Variants in CAST observed in about 807,000 individuals in gnomAD.
CAST encodes calpastatin, also known as MIR583 host.
Under a neutral mutation model 119.6 loss-of-function variants are expected in CAST, and 76 were observed. The ratio of observed to expected loss-of-function variants is 0.64; its 90% CI spans 0.53 to 0.77. The LOEUF (loss-of-function observed/expected upper bound fraction) is 0.77. Among genes scored for constraint, CAST ranks in the 30% least tolerant of loss-of-function variants. The pLI is 0.00. For missense variants in CAST, 953 were observed against 946.5 expected (o/e 1.01, Z -0.09); for synonymous variants, 319 against 331.6 (o/e 0.96, Z 0.41).
chr5:96,209,146 C>CT, the CAST span, among the ~76,000 whole-genome samples: 21 of 151,372 alleles, frequency 1.4e-4, no homozygotes, highest in African/African-American at 3.9e-4. Context: ...GAGCCCCTCC[C>CT]TTTTTTTTCT....
the CAST span, among the ~76,000 whole-genome samples, chr5:96,034,123 T>TA: frequency 6.6e-6 from 1 of 151,756 alleles, no homozygotes; most frequent in African/African-American, 2.4e-5. Context: ...TAATAAATTT[T>TA]AAAAAATAAG....
intron 19 of CAST, 104 bp downstream of exon 19, chr5:96,748,717 A>G (rs941122888): frequency 5.2e-6 from 3 of 575,602 alleles, no homozygotes; most frequent in African/African-American, 3.9e-5. Context: ...AGAAAGCCCA[A>G]TATGCCATCG....
the CAST span, among the ~76,000 whole-genome samples, chr5:96,428,940 A>C: frequency 6.6e-6 from 1 of 152,144 alleles, no homozygotes; most frequent in Non-Finnish European, 1.5e-5. Flanking sequence ...GTGAGTGTAC[A>C]TATAAAATTA....
At chr5:96,086,819 C>T in the CAST span, among the ~76,000 whole-genome samples, 52 of 152,252 alleles carry the variant, frequency 3.4e-4, no homozygotes, top group African/African-American at 1.2e-3. Flanking sequence ...CCCTTCTAAT[C>T]TGCCTTCAAA....
intron 1 of CAST, among the ~76,000 whole-genome samples, chr5:96,551,651 T>C (rs935643736): frequency 6.6e-6 from 1 of 152,022 alleles, no homozygotes; most frequent in Non-Finnish European, 1.5e-5. Context: ...AAGACCCATC[T>C]GTGTTCTGTA....
At chr5:96,578,344 G>A (rs1418427222) in intron 1 of CAST, among the ~76,000 whole-genome samples, 5 of 149,164 alleles carry the variant, frequency 3.4e-5, no homozygotes, top group African/African-American at 4.9e-5. Context: ...CTTATGGACC[G>A]CATATAGTTG....
At chr5:96,664,519 C>T (rs1580879711) in intron 1 of CAST, among the ~76,000 whole-genome samples, 1 of 152,118 alleles carries the variant, frequency 6.6e-6, no homozygotes. Flanking sequence ...ACCTCAGCCT[C>T]CCAAAATGTT....
chr5:95,978,299 C>A, the CAST span, among the ~76,000 whole-genome samples: 4 of 152,196 alleles, frequency 2.6e-5, no homozygotes, highest in African/African-American at 9.6e-5. Flanking sequence ...TCTGCAACCT[C>A]CCCAGCATCT....
the CAST span, among the ~76,000 whole-genome samples, chr5:96,232,299 A>G: frequency 6.6e-6 from 1 of 152,054 alleles, no homozygotes; most frequent in East Asian, 1.9e-4. Context: ...AATAGAGAAA[A>G]CTGATACAAA....
At chr5:96,136,806 A>T in the CAST span, among the ~76,000 whole-genome samples, 1 of 152,126 alleles carries the variant, frequency 6.6e-6, no homozygotes. Flanking sequence ...TTGTTGCATT[A>T]TATATATGAT....
chr5:96,089,066 C>CT, the CAST span, among the ~76,000 whole-genome samples: 1,960 of 117,658 alleles, frequency 0.017, 24 homozygotes, highest in African/African-American at 0.033. Flanking sequence ...CTCCAAAAAT[C>CT]TTTTTTTTTT....
the CAST span, among the ~76,000 whole-genome samples, chr5:96,003,720 G>A: frequency 1.3e-5 from 2 of 152,084 alleles, no homozygotes; most frequent in Admixed American, 6.6e-5. Flanking sequence ...AATTAAAATA[G>A]TTTTTTCAAT....
chr5:96,125,306 C>T, the CAST span, among the ~76,000 whole-genome samples: 1 of 152,068 alleles, frequency 6.6e-6, no homozygotes, highest in Non-Finnish European at 1.5e-5. Flanking sequence ...ATTAAGAACT[C>T]CGTAAATGTC....
chr5:96,504,347 A>C, the CAST span, among the ~76,000 whole-genome samples: 2 of 152,188 alleles, frequency 1.3e-5, no homozygotes, highest in Non-Finnish European at 1.5e-5. Context: ...ATCCTGTCAA[A>C]AAAAAGTCCT....
the CAST span, among the ~76,000 whole-genome samples, chr5:96,464,018 T>G: frequency 6.6e-6 from 1 of 152,056 alleles, no homozygotes; most frequent in Admixed American, 6.6e-5. Context: ...AAGATGATTA[T>G]GATTGAGGGT....
At chr5:96,519,219 C>T in the CAST span, among the ~76,000 whole-genome samples, 1 of 152,122 alleles carries the variant, frequency 6.6e-6, no homozygotes, top group South Asian at 2.1e-4. Flanking sequence ...TATATAGAAC[C>T]ATCTTTCTCT....
At chr5:96,441,332 C>CT in the CAST span, among the ~76,000 whole-genome samples, 2 of 152,072 alleles carry the variant, frequency 1.3e-5, no homozygotes, top group Admixed American at 6.6e-5. Flanking sequence ...TCCCCTTCCT[C>CT]TTTTTTTTCT....
chr5:96,602,928 T>C (rs1212877166), intron 1 of CAST, among the ~76,000 whole-genome samples: 1 of 152,038 alleles, frequency 6.6e-6, no homozygotes, highest in African/African-American at 2.4e-5. Context: ...GATCAGCAAA[T>C]GCAAAGGCCT....
chr5:96,679,399 GAA>G (rs1471095309), intron 2 of CAST: 2 of 152,182 alleles, frequency 1.3e-5, no homozygotes, highest in Non-Finnish European at 2.9e-5. Flanking sequence ...AAAGAAAAAT[GAA>G]AACACTTAAC....
Sources: allele counts gnomAD v4.1 joint callset (sites outside exome capture counted in the v4.1 genomes callset), GRCh38; gene constraint gnomAD v4.1.1; transcripts MANE v1.5; gene names NCBI Gene and HGNC (gene_info 2026-07-23, HGNC 2026-07-21).